Variants in NLRP5 observed in about 807,000 individuals in gnomAD.
The protein encoded by NLRP5 is NLR family pyrin domain containing 5.
NLRP5 carries 93 observed loss-of-function variants against 113.1 expected under a neutral mutation model. That is an observed-to-expected ratio of 0.82 (90% confidence interval 0.70 to 0.98). The LOEUF is 0.98. NLRP5 is among the 50% of genes least tolerant of loss of function. The pLI, the probability that NLRP5 is intolerant of heterozygous loss-of-function variation, is 0.00. For missense variants in NLRP5, 1,808 were observed against 1,514.3 expected, an observed-to-expected ratio of 1.19 and a Z score of -3.22; for synonymous variants, 751 against 600.7, an observed-to-expected ratio of 1.25 and a Z score of -3.66.
chr19:55,991,326 G>A, the NLRP5 span, among the ~76,000 whole-genome samples: 5 of 152,194 alleles, frequency 3.3e-5, no homozygotes, highest in South Asian at 8.3e-4. Context: ...GACATCAACA[G>A]AGTGAATATC....
chr19:56,008,473 C>G (rs1982036725), intron 2 of NLRP5, among the ~76,000 whole-genome samples: 1 of 152,056 alleles, frequency 6.6e-6, no homozygotes, highest in Non-Finnish European at 1.5e-5. Flanking sequence ...GTCTGGAGTT[C>G]AAGACAGGTC....
intron 9 of NLRP5, among the ~76,000 whole-genome samples, chr19:56,034,288 A>G (rs1983232866): frequency 6.6e-6 from 1 of 152,184 alleles, no homozygotes; most frequent in Non-Finnish European, 1.5e-5. Context: ...CGGGAGGCTG[A>G]GTCAGGAGAA....
intron 3 of NLRP5, among the ~76,000 whole-genome samples, chr19:56,010,195 T>A (rs553700221): frequency 2.1e-5 from 3 of 141,538 alleles, no homozygotes; most frequent in Non-Finnish European, 4.4e-5. Flanking sequence ...TGCCAGTGCT[T>A]TAGTCCATGC....
intron 2 of NLRP5, among the ~76,000 whole-genome samples, chr19:56,005,255 T>TTTTATATATACACACATA (rs1981830723): frequency 8.2e-6 from 1 of 122,678 alleles, no homozygotes; most frequent in Admixed American, 8.4e-5. Context: ...ACATATATAT[T>TTTTATATATACACACATA]TATATATACA....
the NLRP5 span, chr19:55,987,966 A>C: frequency 1.5e-6 from 2 of 1,368,450 alleles, no homozygotes; most frequent in Middle Eastern, 1.8e-4. Context: ...CACTCTGACA[A>C]CTGGCAAATA....
Position 56,046,286 on chromosome 19 carries a change from A to G in NLRP5, c.2958-4132A>G, listed in dbSNP as rs553343252. On this transcript the variant is annotated intron_variant, in intron 11 of 14. Transcript: ENST00000390649. ...TTGTACATGTTAAACCATCCCTGGT[A>G]TGAAACCCACTTGATCATGGTGGAT... Among the ~76,000 whole-genome samples the G allele has an allele frequency of 1.9e-3, 287 of 152,318 alleles. 1 individual carries two copies. The highest frequency in any genetic ancestry group is 3.4e-3 in the Middle Eastern group (1 of 294).
At chr19:55,991,034 A>G in the NLRP5 span, among the ~76,000 whole-genome samples, 2 of 152,170 alleles carry the variant, frequency 1.3e-5, no homozygotes, top group African/African-American at 4.8e-5. Flanking sequence ...ATGGATTGGA[A>G]GAGCTGTTTA....
chr19:56,007,179 A>G (rs1387278679), intron 2 of NLRP5, among the ~76,000 whole-genome samples: 1 of 151,420 alleles, frequency 6.6e-6, no homozygotes, highest in South Asian at 2.1e-4. Context: ...CCTGTCTAAC[A>G]CGGTAAAACC....
intron 3 of NLRP5, among the ~76,000 whole-genome samples, chr19:56,010,671 T>A (rs1336432350): frequency 1.4e-5 from 2 of 142,916 alleles, no homozygotes; most frequent in Non-Finnish European, 3.0e-5. Flanking sequence ...GAGAATCACT[T>A]GAACCCAGGA....
chr19:56,047,086 G>A (rs1378719108), intron 11 of NLRP5, among the ~76,000 whole-genome samples: 4 of 151,996 alleles, frequency 2.6e-5, no homozygotes, highest in Non-Finnish European at 5.9e-5. Context: ...GATGTCAGTT[G>A]TAGTATCTCC....
At chr19:56,008,581 C>T (rs62123589) in intron 2 of NLRP5, among the ~76,000 whole-genome samples, 30,422 of 152,104 alleles carry the variant, frequency 0.2, 3,837 homozygotes, top group Non-Finnish European at 0.27. Flanking sequence ...GAATTCTTCA[C>T]AAACCTCTGT....
chr19:56,025,717 T>G (rs1279450660), intron 6 of NLRP5, among the ~76,000 whole-genome samples: 1 of 152,128 alleles, frequency 6.6e-6, no homozygotes, highest in East Asian at 1.9e-4. Flanking sequence ...GCCATTCCCC[T>G]CTTTATGTAC....
chr19:55,995,139 C>A (rs1981284893), upstream of NLRP5, among the ~76,000 whole-genome samples: 1 of 152,058 alleles, frequency 6.6e-6, no homozygotes, highest in Admixed American at 6.6e-5. Flanking sequence ...TGTTCTCACT[C>A]ATAGGTGGGA....
chr19:56,049,145 C>G (rs1342392870), intron 11 of NLRP5, among the ~76,000 whole-genome samples: 1 of 137,894 alleles, frequency 7.3e-6, no homozygotes, highest in African/African-American at 2.6e-5. Flanking sequence ...CCACACCCAG[C>G]TAACTTATTT....
At chr19:56,036,506 C>CA (rs200981802) in intron 9 of NLRP5, among the ~76,000 whole-genome samples, 290 of 152,322 alleles carry the variant, frequency 1.9e-3, no homozygotes, top group African/African-American at 6.8e-3. Context: ...AGTACTACGA[C>CA]ATGTTCCAGA....
chr19:56,054,309 G>A (rs1222815676), intron 13 of NLRP5, among the ~76,000 whole-genome samples: 1 of 152,194 alleles, frequency 6.6e-6, no homozygotes, highest in Non-Finnish European at 1.5e-5. Context: ...TGTAACACCA[G>A]CACTTTGGGA....
chr19:56,057,881 G>C (rs1440690623), intron 13 of NLRP5, among the ~76,000 whole-genome samples: 1 of 151,876 alleles, frequency 6.6e-6, no homozygotes, highest in Non-Finnish European at 1.5e-5. Flanking sequence ...CAAAAAATTA[G>C]CCAGGCATGG....
Position 56,058,250 on chromosome 19 carries a change from T to G in NLRP5, c.3310T>G (p.Cys1104Gly), listed in dbSNP as rs149176940. The change falls in exon 14 of 15, where the codon TGT becomes GGT. Residue 1104 changes from cysteine (C) to glycine (G), a missense_variant. Transcript: ENST00000390649. ...GTCCTGACCCTGCAGGTTGAAGGCATGTGGACTGACTTCTGATTGCTGTGA... is the reference window on the plus strand; with the variant it reads ...GTCCTGACCCTGCAGGTTGAAGGCAGGTGGACTGACTTCTGATTGCTGTGA... 1 of 1,613,606 alleles carries G rather than the reference T, an allele frequency of 6.2e-7. No homozygotes were observed. The highest frequency in any genetic ancestry group is 2.2e-5 in the East Asian group (1 of 44,858).
chr19:56,026,956 C>T lies in NLRP5; in HGVS notation c.723C>T (p.Thr241=). ...GGGACTACAAGAGTCACGTGATGAC[C>T]AAATTCGCTGAGGAGGAGGATGTAC... Residue 241 remains threonine (T), a synonymous_variant, in exon 7 of 15, where the codon ACC becomes ACT. Transcript: ENST00000390649. 1 of 1,551,666 alleles carries T rather than the reference C, an allele frequency of 6.4e-7. No individual in the cohort carries two copies. The highest frequency in any genetic ancestry group is 8.7e-7 in the Non-Finnish European group (1 of 1,146,980).
Sources: allele counts gnomAD v4.1 joint callset (sites outside exome capture counted in the v4.1 genomes callset), GRCh38; gene constraint gnomAD v4.1.1; transcripts MANE v1.5; gene names NCBI Gene and HGNC (gene_info 2026-07-23, HGNC 2026-07-21).